SERPIND1: variants seen among roughly 807,000 people sequenced by gnomAD.
SERPIND1 encodes heparin cofactor 2.
Under a neutral mutation model 35.0 loss-of-function variants are expected in SERPIND1, and 34 were observed. The ratio of observed to expected loss-of-function variants is 0.97; its 90% CI spans 0.74 to 1.29. The LOEUF (loss-of-function observed/expected upper bound fraction) is 1.29, where lower values mean the gene tolerates loss of function less well. SERPIND1 is among the 50% of genes most tolerant of loss of function. The pLI is 0.00. For synonymous variants in SERPIND1, 236 were observed against 241.1 expected (o/e 0.98, Z 0.19); for missense variants, 633 against 637.7 (o/e 0.99, Z 0.08).
At chr22:20,786,235 C>A (rs139765184) in intron 4 of SERPIND1, 87 bp downstream of exon 4, 2 of 1,425,304 alleles carry the variant, frequency 1.4e-6, no homozygotes, top group South Asian at 1.1e-5. Context: ...TACCCACCCC[C>A]CAATCTCATG....
rs1471538860 is a variant in SERPIND1 at position 20,784,047 on chromosome 22, A to C, written c.965A>C (p.Lys322Thr). Residue 322 changes from lysine to threonine, a missense_variant, in exon 3 of 5, where the codon AAG becomes ACG. Lys to Thr is a moderately conservative substitution (Grantham distance 78, BLOSUM62 -1). Coordinates refer to ENST00000215727, the MANE Select transcript of SERPIND1 (RefSeq NM_000185.4). ...CGGCTGAATGAGAGAGAGGTAGTTA[A>C]GGTTTCCATGATGCAGACCAAGGGG... ...NFRLNEREVV[K>T]VSMMQTKGNF... 74 of 1,614,080 alleles carry C rather than the reference A, an allele frequency of 4.6e-5. No individual in the cohort carries two copies. The highest frequency in any genetic ancestry group is 6.2e-5 in the Non-Finnish European group (73 of 1,180,036).
Position 20,779,458 on chromosome 22 carries a change from A to C in SERPIND1, c.146A>C (p.Asn49Thr). Residue 49 changes from asparagine to threonine, a missense_variant, in exon 2 of 5, where the codon AAC becomes ACC. Physicochemically the swap from Asn to Thr is moderately conservative, Grantham distance 65. Coordinates refer to ENST00000215727, the MANE Select transcript of SERPIND1 (RefSeq NM_000185.4). ...DPQWEQLNNK[N>T]LSMPLLPADF... is the part of the protein sequence containing the mutation. ...CAGTGGGAGCAGTTAAATAACAAAA[A>C]CCTGAGCATGCCTCTTCTCCCTGCC... The C allele has an allele frequency of 1.2e-6, 2 of 1,614,114 alleles. No individual in the cohort carries two copies. The highest frequency in any genetic ancestry group is 1.7e-6 in the Non-Finnish European group (2 of 1,179,992).
intron 1 of SERPIND1, among the ~76,000 whole-genome samples, chr22:20,778,409 C>CTCT (rs1933473792): frequency 3.9e-5 from 6 of 152,044 alleles, no homozygotes; most frequent in African/African-American, 1.2e-4. Flanking sequence ...GAGGCTGAGG[C>CTCT]AAGAGAATTG....
rs1348893103 is a variant in SERPIND1 at position 20,787,152 on chromosome 22, T to C, written c.*86T>C. 8.0e-7 allele frequency: 1 copy of C among 1,247,420 alleles called. No homozygotes were observed. Among genetic ancestry groups the C allele is most frequent in the African/African-American group, 1.5e-5 (1 of 67,454 alleles). 77.3% of individuals were successfully genotyped at this position (1,247,420 alleles called of 1,614,324 possible). A position where few individuals can be genotyped will look rare whatever the true frequency, so the allele number is the denominator to read the frequency against. On this transcript the variant is annotated 3_prime_UTR_variant, in exon 5 of 5. Coordinates refer to ENST00000215727, the MANE Select transcript of SERPIND1 (RefSeq NM_000185.4). ...CAACGAGAACAGAGATGTTCTGGCA[T>C]CATTTACGTAGTTTACGCTACCAAT... is the stretch of plus-strand genomic sequence containing the variant.
chr22:20,782,502 A>G (rs1375273019), intron 2 of SERPIND1, among the ~76,000 whole-genome samples: 1 of 152,186 alleles, frequency 6.6e-6, no homozygotes, highest in African/African-American at 2.4e-5. Flanking sequence ...AATCATCTCC[A>G]TTACTAATTT....
Position 20,786,148 on chromosome 22 carries a change from G to C in SERPIND1, c.1308G>C (p.Leu436=). 6.2e-7 allele frequency: 1 copy of C among 1,614,012 alleles called. No individual in the cohort carries two copies. Among genetic ancestry groups the C allele is most frequent in the Non-Finnish European group, 8.5e-7 (1 of 1,179,998 alleles). ...CAGACCAAAGGATCGCCATCGACCT[G>C]GTAACCACTCCCTTGTCCACCCCCG... ...GISDQRIAID[L]FKHQGTITVN... is the part of the protein sequence containing the mutation. Residue 436 remains leucine (L), a splice_region_variant and synonymous_variant, in exon 4 of 5, where the codon CTG becomes CTC. Transcript: ENST00000215727.
At chr22:20,782,191 C>G (rs1281125040) in intron 2 of SERPIND1, among the ~76,000 whole-genome samples, 1 of 152,170 alleles carries the variant, frequency 6.6e-6, no homozygotes, top group East Asian at 1.9e-4. Context: ...TGCATTAGCC[C>G]TGGCTGAGGG....
chr22:20,776,786 C>A (rs974730604), intron 1 of SERPIND1, among the ~76,000 whole-genome samples: 1 of 152,168 alleles, frequency 6.6e-6, no homozygotes, highest in East Asian at 1.9e-4. Flanking sequence ...CTAAGTTACA[C>A]GAAGTGCCTT....
At chr22:20,786,686 G>A (rs370453581) in intron 4 of SERPIND1, among the ~76,000 whole-genome samples, 189 bp from the exon 5 acceptor site, 6 of 152,100 alleles carry the variant, frequency 3.9e-5, no homozygotes, top group East Asian at 3.9e-4. Flanking sequence ...GAACCTAGCC[G>A]GCCTCTAAGT....
intron 2 of SERPIND1, among the ~76,000 whole-genome samples, chr22:20,783,451 A>C (rs1601486691): frequency 7.0e-6 from 1 of 142,226 alleles, no homozygotes; most frequent in Admixed American, 7.2e-5. Context: ...AAAAAAAAAA[A>C]AGACAGAAAG....
At chr22:20,786,823 T>C (rs1038286834) in intron 4 of SERPIND1, 52 bp from the exon 5 acceptor site, 9 of 1,547,510 alleles carry the variant, frequency 5.8e-6, no homozygotes, top group Middle Eastern at 1.7e-4. Context: ...CTGGGAACTC[T>C]AGCCCTCTGT....
chr22:20,776,562 G>A (rs1933298412), intron 1 of SERPIND1, among the ~76,000 whole-genome samples: 1 of 152,180 alleles, frequency 6.6e-6, no homozygotes, highest in South Asian at 2.1e-4. Flanking sequence ...GAAGACCCAA[G>A]GAATGGGACT....
intron 3 of SERPIND1, among the ~76,000 whole-genome samples, chr22:20,785,205 G>A (rs765840003): frequency 1.3e-5 from 2 of 151,798 alleles, no homozygotes; most frequent in Non-Finnish European, 2.9e-5. Flanking sequence ...GAATAGTTGA[G>A]ACTACAGGCG....
In SERPIND1 at chr22:20,784,203, C is replaced by T; in HGVS notation, c.1121C>T (p.Thr374Ile). The T allele has an allele frequency of 6.2e-7, 1 of 1,614,162 alleles. No homozygotes were observed. The highest frequency in any genetic ancestry group is 8.5e-7 in the Non-Finnish European group (1 of 1,180,040). Residue 374 changes from threonine (T) to isoleucine (I), a missense_variant, in exon 3 of 5, where the codon ACA (threonine) becomes ATA (isoleucine). By Grantham distance (89) the Thr-to-Ile change is moderately conservative. Transcript: ENST00000215727. ...ATGAAGACCCTCGAAGCGCAACTGA[C>T]ACCCCGGGTGGTGGAGAGATGGCAA... is the stretch of plus-strand genomic sequence containing the variant. ...SGMKTLEAQL[T>I]PRVVERWQKS... is the part of the protein sequence containing the mutation.
In SERPIND1 at chr22:20,784,229, A is replaced by T; in HGVS notation, c.1147A>T (p.Lys383Ter). 1.2e-6 allele frequency: 2 copies of T among 1,614,168 alleles called. No homozygotes were observed. The highest frequency in any genetic ancestry group is 1.7e-6 in the Non-Finnish European group (2 of 1,180,028). ...LTPRVVERWQKSMTNRTREVL... is the reference protein window; with the variant it reads ...LTPRVVERWQ ...ACCCCGGGTGGTGGAGAGATGGCAA[A>T]AAAGCATGACAAACAGGTATTTCAC... The change falls in exon 3 of 5, where the codon AAA becomes TAA. Residue 383 changes from lysine to a stop codon, truncating the protein, a stop_gained. Coordinates refer to ENST00000215727, the MANE Select transcript of SERPIND1 (RefSeq NM_000185.4). LOFTEE classifies it high-confidence loss of function.
In SERPIND1 at chr22:20,779,411, A is replaced by T; in HGVS notation, c.99A>T (p.Glu33Asp). ...GPLDQLEKGGETAQSADPQWE... is the reference protein window; with the variant it reads ...GPLDQLEKGGDTAQSADPQWE... ...TGGATCAGCTAGAGAAAGGAGGGGA[A>T]ACTGCTCAGTCTGCAGATCCCCAGT... The change falls in exon 2 of 5, where the codon GAA becomes GAT. Residue 33 changes from glutamate to aspartate, a missense_variant. Physicochemically the swap from Glu to Asp is conservative, Grantham distance 45. Transcript: ENST00000215727. 1 of 1,614,252 alleles carries T rather than the reference A, an allele frequency of 6.2e-7. No individual in the cohort carries two copies.
At chr22:20,783,163 G>T (rs1293016523) in intron 2 of SERPIND1, among the ~76,000 whole-genome samples, 1 of 152,174 alleles carries the variant, frequency 6.6e-6, no homozygotes, top group East Asian at 1.9e-4. Context: ...TCACATCTTA[G>T]AGCTAACATA....
rs771859885 is a variant in SERPIND1 at position 20,779,566 on chromosome 22, T to C, written c.254T>C (p.Ile85Thr). The change falls in exon 2 of 5, where the codon ATA becomes ACA. Residue 85 changes from isoleucine to threonine, a missense_variant. Physicochemically the swap from Ile to Thr is moderately conservative, Grantham distance 89. Transcript: ENST00000215727. ...EDDDYLDLEK[I>T]FSEDDDYIDI... ...GACGACTATCTGGACCTGGAGAAGA[T>C]ATTCAGTGAAGACGACGACTACATC... 6.2e-7 allele frequency: 1 copy of C among 1,614,210 alleles called. No individual in the cohort carries two copies. Among genetic ancestry groups the C allele is most frequent in the Non-Finnish European group, 8.5e-7 (1 of 1,180,004 alleles).
In SERPIND1 at chr22:20,785,633, T is replaced by C. The variant is rs528314030; in HGVS notation, c.1164-371T>C. ...CTTTTTAAAAGTACACTACCAGATA[T>C]TCGACTCCTTAATTACAAAAAAAAA... On this transcript the variant is annotated intron_variant, in intron 3 of 4. Transcript: ENST00000215727. 4.6e-5 allele frequency among the ~76,000 whole-genome samples: 7 copies of C among 152,290 alleles called. No homozygotes were observed. In the South Asian group the frequency reaches 6.2e-4, roughly 14 times the overall value.
Sources: allele counts gnomAD v4.1 joint callset (sites outside exome capture counted in the v4.1 genomes callset), GRCh38; gene constraint gnomAD v4.1.1; transcripts MANE v1.5; gene names NCBI Gene and HGNC (gene_info 2026-07-23, HGNC 2026-07-21).